THSD7B: variants seen among roughly 807,000 people sequenced by gnomAD.
THSD7B encodes thrombospondin type-1 domain-containing protein 7B.
Under a neutral mutation model 213.6 loss-of-function variants are expected in THSD7B, and 138 were observed. The ratio of observed to expected loss-of-function variants is 0.65; its 90% CI spans 0.56 to 0.74. THSD7B has a LOEUF of 0.74. THSD7B is among the 30% of genes least tolerant of loss of function. The probability of loss-of-function intolerance (pLI) is 0.00; values close to 1 mark genes in which losing one functional copy is unlikely to be tolerated. For missense variants in THSD7B, 1,931 were observed against 1,991.5 expected (o/e 0.97, Z 0.58); for synonymous variants, 742 against 687.0 (o/e 1.08, Z -1.25).
intron 16 of THSD7B, among the ~76,000 whole-genome samples, chr2:137,571,078 A>T (rs1385282129): frequency 6.6e-6 from 1 of 152,212 alleles, no homozygotes; most frequent in Non-Finnish European, 1.5e-5. Context: ...CCAGAGGTCA[A>T]GAAACAAAAT....
intron 2 of THSD7B, among the ~76,000 whole-genome samples, chr2:136,967,256 G>T (rs1023993604): frequency 6.6e-6 from 1 of 152,176 alleles, no homozygotes; most frequent in African/African-American, 2.4e-5. Flanking sequence ...TTTCAAAGTT[G>T]TTTTCCTCAC....
intron 12 of THSD7B, among the ~76,000 whole-genome samples, chr2:137,397,165 T>C (rs1236313954): frequency 6.6e-6 from 1 of 151,934 alleles, no homozygotes; most frequent in Non-Finnish European, 1.5e-5. Context: ...TCCATTTACA[T>C]TTAAAGTTAA....
intron 2 of THSD7B, among the ~76,000 whole-genome samples, chr2:137,028,952 T>C (rs1426535647): frequency 6.6e-6 from 1 of 152,184 alleles, no homozygotes; most frequent in African/African-American, 2.4e-5. Flanking sequence ...AGAAAACCCC[T>C]GTTAATATTC....
chr2:137,473,832 T>C (rs550560022), intron 15 of THSD7B, among the ~76,000 whole-genome samples: 1 of 152,328 alleles, frequency 6.6e-6, no homozygotes, highest in Admixed American at 6.5e-5. Context: ...TTTCTGAAAT[T>C]GTCTCAAGTG....
chr2:137,249,859 A>ATG (rs1334700416), intron 10 of THSD7B, among the ~76,000 whole-genome samples: 1 of 152,204 alleles, frequency 6.6e-6, no homozygotes, highest in Non-Finnish European at 1.5e-5. Context: ...GAAGTCCAGT[A>ATG]CCTTTATTGC....
chr2:137,583,308 A>G (rs113762681), intron 17 of THSD7B, among the ~76,000 whole-genome samples: 27 of 151,910 alleles, frequency 1.8e-4, no homozygotes, highest in Admixed American at 1.8e-3. Context: ...CTCTGATGGT[A>G]GTTTCTTTTG....
intron 7 of THSD7B, among the ~76,000 whole-genome samples, chr2:137,178,374 T>C (rs893323788): frequency 6.6e-5 from 10 of 152,204 alleles, no homozygotes; most frequent in African/African-American, 2.4e-4. Context: ...AGCAGTTTGG[T>C]GTCAGTGTCC....
intron 15 of THSD7B, among the ~76,000 whole-genome samples, chr2:137,492,345 C>A (rs1003646821): frequency 6.6e-6 from 1 of 152,110 alleles, no homozygotes; most frequent in African/African-American, 2.4e-5. Flanking sequence ...TATACATGTG[C>A]CTGCTAGGAG....
chr2:137,603,513 A>C (rs1682114667), intron 17 of THSD7B, among the ~76,000 whole-genome samples: 1 of 152,202 alleles, frequency 6.6e-6, no homozygotes, highest in African/African-American at 2.4e-5. Context: ...ATTTAGAATG[A>C]AGGCTGAGAC....
intron 17 of THSD7B, among the ~76,000 whole-genome samples, chr2:137,584,690 T>C (rs910504501): frequency 2.0e-5 from 3 of 152,226 alleles, no homozygotes; most frequent in African/African-American, 7.2e-5. Context: ...TGAAGCCCAG[T>C]TGATCATGGT....
At chr2:137,500,843 C>G (rs765708266) in intron 15 of THSD7B, among the ~76,000 whole-genome samples, 4 of 152,178 alleles carry the variant, frequency 2.6e-5, no homozygotes, top group Admixed American at 2.0e-4. Flanking sequence ...TGCCTCCTTA[C>G]AGCCTTGCCC....
intron 11 of THSD7B, among the ~76,000 whole-genome samples, chr2:137,275,250 C>A (rs1354900514): frequency 6.6e-6 from 1 of 152,056 alleles, no homozygotes; most frequent in Admixed American, 6.6e-5. Context: ...AACAGCAGGT[C>A]CATTCCTCTT....
intron 15 of THSD7B, among the ~76,000 whole-genome samples, chr2:137,521,821 TGTCA>T (rs1281753264): frequency 4.6e-5 from 7 of 152,142 alleles, no homozygotes; most frequent in African/African-American, 1.7e-4. Context: ...TCAGAGGGCC[TGTCA>T]GTCAGAGAAT....
At chr2:137,237,944 C>T (rs534914633) in intron 9 of THSD7B, among the ~76,000 whole-genome samples, 1 of 152,156 alleles carries the variant, frequency 6.6e-6, no homozygotes, top group Non-Finnish European at 1.5e-5. Flanking sequence ...CAGTTCATTT[C>T]TTCTATAATA....
chr2:137,323,135 AG>A (rs1558757764), intron 12 of THSD7B, among the ~76,000 whole-genome samples: 1 of 152,252 alleles, frequency 6.6e-6, no homozygotes, highest in African/African-American at 2.4e-5. Flanking sequence ...GTGATGGATC[AG>A]GTTCAATCAC....
In THSD7B at chr2:137,267,306, G is replaced by A. The variant is rs1422504997; in HGVS notation, c.2267-5227G>A. 1.3e-5 allele frequency among the ~76,000 whole-genome samples: 2 copies of A among 152,106 alleles called. 1 individual carries two copies. The highest frequency in any genetic ancestry group is 4.1e-4 in the South Asian group (2 of 4,828). The stretch of plus-strand genomic sequence containing the variant: ...TCATGCTTGAGCAATTGTTGATGTT[G>A]GCAAACAGGCACTTTAATTTATTGT... On this transcript the variant is annotated intron_variant, in intron 10 of 27. Transcript: ENST00000409968.
At chr2:136,992,018 C>G (rs1013232818) in intron 2 of THSD7B, among the ~76,000 whole-genome samples, 1 of 152,212 alleles carries the variant, frequency 6.6e-6, no homozygotes, top group East Asian at 1.9e-4. Flanking sequence ...GTCACATAAG[C>G]TACAAAGTCA....
intron 12 of THSD7B, among the ~76,000 whole-genome samples, chr2:137,279,273 T>C (rs1682941546): frequency 6.6e-6 from 1 of 152,128 alleles, no homozygotes. Context: ...TGATAGCTCA[T>C]GCCTGTAATC....
At chr2:137,402,114 G>A (rs139554640) in intron 12 of THSD7B, among the ~76,000 whole-genome samples, 1,832 of 152,240 alleles carry the variant, frequency 0.012, 33 homozygotes, top group African/African-American at 0.042. Context: ...CATTTATCAA[G>A]CTCTTTAGTG....
Sources: allele counts gnomAD v4.1 joint callset (sites outside exome capture counted in the v4.1 genomes callset), GRCh38; gene constraint gnomAD v4.1.1; transcripts MANE v1.5; gene names NCBI Gene and HGNC (gene_info 2026-07-23, HGNC 2026-07-21).